NR2E3: variants seen among roughly 807,000 people sequenced by gnomAD.
NR2E3 encodes nuclear receptor subfamily 2 group E member 3.
Under a neutral mutation model 37.6 loss-of-function variants are expected in NR2E3, and 38 were observed. The observed-to-expected ratio is 1.01, with a 90% confidence interval of 0.78 to 1.33. The LOEUF is 1.33. Ranked by LOEUF, NR2E3 falls within the 40% of genes most tolerant of loss-of-function variation. The pLI is 0.00. For synonymous variants in NR2E3, 235 were observed against 225.1 expected (o/e 1.04, Z -0.39); for missense variants, 562 against 558.7 (o/e 1.01, Z -0.06).
At position 71,812,361 on chromosome 15, in the gene NR2E3, C is replaced by T. The variant is rs895424577; in HGVS notation, c.597C>T (p.Ser199=). 1 of 1,613,976 alleles carries T rather than the reference C, an allele frequency of 6.2e-7. No homozygotes were observed. The highest frequency in any genetic ancestry group is 1.1e-5 in the South Asian group (1 of 91,074). ...EDADENIDVT[S]NDPEFPSSPY... ...CTGATGAGAATATTGATGTCACCAG[C>T]AATGACCCTGAGTTCCCCTCCTCTC... Residue 199 remains serine (S), a synonymous_variant, in exon 5 of 8, where the codon AGC becomes AGT. Coordinates refer to ENST00000617575, the MANE Select transcript of NR2E3 (RefSeq NM_014249.4).
Position 71,817,612 on chromosome 15 carries a change from GCTC to G in NR2E3, c.1165_1167del (p.Leu389del). 1 of 1,610,494 alleles carries G rather than the reference GCTC, an allele frequency of 6.2e-7. No individual in the cohort carries two copies. The highest frequency in any genetic ancestry group is 8.5e-7 in the Non-Finnish European group (1 of 1,176,940). On this transcript the variant is annotated inframe_deletion, in exon 8 of 8. Coordinates refer to ENST00000617575, the MANE Select transcript of NR2E3 (RefSeq NM_014249.4). ...GGTTTATCACTGCGGAACGCATCGA[GCTC>G]CTCTTTTTCCGCAAGACCATAGGGA...
At chr15:71,814,950 T>C in intron 7 of NR2E3, 1 of 974,508 alleles carries the variant, frequency 1.0e-6, no homozygotes, top group South Asian at 4.7e-5. Flanking sequence ...TTGTTAAAAA[T>C]ATAAAAAGGA....
At chr15:71,814,413 CTT>C in intron 7 of NR2E3, 1 of 1,161,334 alleles carries the variant, frequency 8.6e-7, no homozygotes, top group Non-Finnish European at 1.1e-6. Flanking sequence ...CAGAGATCCC[CTT>C]GCATGGGAAA....
In NR2E3 at chr15:71,813,944, C is replaced by G. The variant is rs371985777; in HGVS notation, c.995-68C>G. 3.1e-4 allele frequency: 478 copies of G among 1,560,304 alleles called. 1 individual carries two copies. In the African/African-American group the frequency reaches 4.8e-3, roughly 16 times the overall value. On this transcript the variant is annotated intron_variant, in intron 6 of 7. Transcript: ENST00000617575. This position sits in a 1 kb window ranked among gnomAD's most constrained non-coding sequence, Gnocchi z 4.7. Reference sequence around the variant, plus strand: ...TGTCTGCAGCCAGAACCCTGGGCCACCACTTCATGGCCAGCCTTATAACAG... The same window carrying G: ...TGTCTGCAGCCAGAACCCTGGGCCAGCACTTCATGGCCAGCCTTATAACAG...
chr15:71,815,598 C>T (rs1595958131), intron 7 of NR2E3, among the ~76,000 whole-genome samples: 1 of 152,262 alleles, frequency 6.6e-6, no homozygotes, highest in East Asian at 1.9e-4. Flanking sequence ...CCTTTTATAG[C>T]GGTTCATTGC....
rs2140288813 is a variant in NR2E3, at chr15:71,811,577, C to G, written c.213C>G (p.Phe71Leu). 6.2e-7 allele frequency: 1 copy of G among 1,604,398 alleles called. No individual in the cohort carries two copies. Among genetic ancestry groups the G allele is most frequent in the Non-Finnish European group, 8.5e-7 (1 of 1,176,032 alleles). Residue 71 changes from phenylalanine to leucine, a missense_variant, in exon 2 of 8, where the codon TTC (phenylalanine) becomes TTG (leucine). By Grantham distance (22) the Phe-to-Leu change is conservative. Coordinates refer to ENST00000617575, the MANE Select transcript of NR2E3 (RefSeq NM_014249.4). The surrounding 1 kb of genome is among the most constrained non-coding windows in gnomAD (Gnocchi z 5.6). ...IYACNGCSGF[F>L]KRSVRRRLIY... ...CCTGCAACGGCTGCAGCGGCTTCTT[C>G]AAGAGGAGCGTACGGCGGAGGCTCA...
intron 5 of NR2E3, among the ~76,000 whole-genome samples, chr15:71,812,771 C>T (rs929959381): frequency 6.6e-6 from 1 of 152,122 alleles, no homozygotes; most frequent in African/African-American, 2.4e-5. Flanking sequence ...GGCTAGGGAC[C>T]TACAGGGCCC....
chr15:71,812,375 TC>T lies in NR2E3; in HGVS notation c.615del (p.Ser206ProfsTer45). 6.2e-7 allele frequency: 1 copy of T among 1,613,674 alleles called. No homozygotes were observed. On this transcript the variant is annotated frameshift_variant, in exon 5 of 8. Transcript: ENST00000617575. LOFTEE classifies it high-confidence loss of function. ...NIDVTSNDPE[F>X]PSSPYSSSSP... ...GATGTCACCAGCAATGACCCTGAGT[TC>T]CCCTCCTCTCCATACTCCTCTTCCT...
In NR2E3 at chr15:71,810,823, A is replaced by C. The variant is rs1385045523; in HGVS notation, c.80A>C (p.Glu27Ala). Reference protein sequence around the residue: ...APAAGAASRKESPGRWGLGED... With the variant: ...APAAGAASRKASPGRWGLGED... ...GCAGCTGGGGCTGCCTCCAGGAAGG[A>C]GTCTCCAGGCAGATGGGGCCTGGGG... The change falls in exon 1 of 8, where the codon GAG becomes GCG. Residue 27 changes from glutamate to alanine, a missense_variant. Physicochemically the swap from Glu to Ala is moderately radical, Grantham distance 107 (BLOSUM62 -1). Coordinates refer to ENST00000617575, the MANE Select transcript of NR2E3 (RefSeq NM_014249.4). 2 of 1,570,628 alleles carry C rather than the reference A, an allele frequency of 1.3e-6. No individual in the cohort carries two copies. Among genetic ancestry groups the C allele is most frequent in the South Asian group, 1.2e-5 (1 of 85,192 alleles).
At position 71,813,346 on chromosome 15, in the gene NR2E3, A is replaced by C. The variant is rs1270955734; in HGVS notation, c.748-43A>C. ...GCAGAGGCTCCAGACTGAGCCAGAG[A>C]AGCTGTGTGTCTGCCATAACAGGCA... On this transcript the variant is annotated intron_variant, in intron 5 of 7. Transcript: ENST00000617575. This position sits in a 1 kb window ranked among gnomAD's most constrained non-coding sequence, Gnocchi z 4.7. The C allele has an allele frequency of 6.3e-7, 1 of 1,596,744 alleles. No homozygotes were observed.
rs367838359 is a variant in NR2E3 at position 71,812,018 on chromosome 15, A to G, written c.413A>G (p.Asn138Ser). ...AQVHLDSMESNTESRPESLVA... is the reference protein window; with the variant it reads ...AQVHLDSMESSTESRPESLVA... ...GTCCACCTGGACAGCATGGAGTCCA[A>G]CACTGAGTCCCGGCCGGAGTCCCTG... The change falls in exon 4 of 8, where the codon AAC (asparagine) becomes AGC (serine). Residue 138 changes from asparagine to serine, a missense_variant. Coordinates refer to ENST00000617575, the MANE Select transcript of NR2E3 (RefSeq NM_014249.4). The G allele has an allele frequency of 1.8e-5, 28 of 1,554,986 alleles. No individual in the cohort carries two copies. Among genetic ancestry groups the G allele is most frequent in the African/African-American group, 9.6e-5 (7 of 73,248 alleles).
intron 7 of NR2E3, chr15:71,815,011 G>A: frequency 1.6e-6 from 1 of 632,086 alleles, no homozygotes; most frequent in Non-Finnish European, 2.0e-6. Flanking sequence ...TGTTTTGTAG[G>A]TGCACTGAGC....
chr15:71,812,137 A>T lies in NR2E3; in HGVS notation c.532A>T (p.Ile178Leu). Reference sequence around the variant, plus strand: ...GGGCCACCACTTCATGGCCAGCCTTATAACAGCTGAAACCTGTGCTAAGCT... The same window carrying T: ...GGGCCACCACTTCATGGCCAGCCTTTTAACAGCTGAAACCTGTGCTAAGCT... ...ALGHHFMASL[I>L]TAETCAKLEP... Residue 178 changes from isoleucine (I) to leucine (L), a missense_variant, in exon 4 of 8, where the codon ATA becomes TTA. Ile to Leu is a conservative substitution (Grantham distance 5). Transcript: ENST00000617575. The T allele has an allele frequency of 6.4e-7, 1 of 1,564,640 alleles. No individual in the cohort carries two copies. Among genetic ancestry groups the T allele is most frequent in the Non-Finnish European group, 8.7e-7 (1 of 1,154,986 alleles).
At chr15:71,812,295 C>G in intron 4 of NR2E3, 41 bp from the exon 5 acceptor site, 5 of 1,613,400 alleles carry the variant, frequency 3.1e-6, no homozygotes, top group Non-Finnish European at 4.2e-6. Flanking sequence ...TGCCACCTCC[C>G]GAGAAGCAGG....
rs1555454986 is a variant in NR2E3 at position 71,817,101 on chromosome 15, CTTTTTTT to C, written c.1101-442_1101-436del. ...CTGGTTAATGCGGCTTTTCTTTTTT[CTTTTTTT>C]TTTTTTTTGAGACGGAGTCTTGCTC... On this transcript the variant is annotated intron_variant, in intron 7 of 7. Transcript: ENST00000617575. Among the ~76,000 whole-genome samples the C allele has an allele frequency of 7.1e-3, 576 of 80,948 alleles. 8 individuals carry two copies. In the East Asian group the frequency reaches 0.11, roughly 16 times the overall value. The allele number at this position is 80,948 out of a possible 152,430, so 53.1% of individuals were successfully genotyped here. A position where few individuals can be genotyped will look rare whatever the true frequency, so the allele number is the denominator to read the frequency against.
At chr15:71,816,447 A>C (rs2140293920) in intron 7 of NR2E3, among the ~76,000 whole-genome samples, 1 of 151,956 alleles carries the variant, frequency 6.6e-6, no homozygotes, top group East Asian at 1.9e-4. Flanking sequence ...TTTTTAGTAG[A>C]GACGGGGTTT....
In NR2E3 at chr15:71,812,007, C is replaced by T; in HGVS notation, c.402C>T (p.Ser134=). 6.4e-7 allele frequency: 1 copy of T among 1,555,190 alleles called. No individual in the cohort carries two copies. The change falls in exon 4 of 8, where the codon AGC becomes AGT. Residue 134 remains serine (S), a synonymous_variant. Coordinates refer to ENST00000617575, the MANE Select transcript of NR2E3 (RefSeq NM_014249.4). ...GCACAGCCCAGGTCCACCTGGACAG[C>T]ATGGAGTCCAACACTGAGTCCCGGC... The part of the protein sequence containing the change: ...PRSTAQVHLD[S]MESNTESRPE...
Position 71,810,783 on chromosome 15 carries a change from G to T in NR2E3, c.40G>T (p.Ala14Ser). 6.3e-7 allele frequency: 1 copy of T among 1,576,462 alleles called. No individual in the cohort carries two copies. Among genetic ancestry groups the T allele is most frequent in the South Asian group, 1.2e-5 (1 of 85,766 alleles). The change falls in exon 1 of 8, where the codon GCT (alanine) becomes TCT (serine). Residue 14 changes from alanine to serine, a missense_variant. Coordinates refer to ENST00000617575, the MANE Select transcript of NR2E3 (RefSeq NM_014249.4). ...RPTALMSSTVAAAAPAAGAAS... is the reference protein window; with the variant it reads ...RPTALMSSTVSAAAPAAGAAS... Reference sequence around the variant, plus strand: ...AACAGCTCTGATGAGCTCCACAGTGGCTGCAGCTGCGCCTGCAGCTGGGGC... The same window carrying T: ...AACAGCTCTGATGAGCTCCACAGTGTCTGCAGCTGCGCCTGCAGCTGGGGC...
rs1595956412 is a variant in NR2E3 at position 71,812,106 on chromosome 15, A to T, written c.501A>T (p.Arg167Ser). Residue 167 changes from arginine to serine, a missense_variant, in exon 4 of 8, where the codon AGA becomes AGT. Transcript: ENST00000617575. ...PRGPTPMSAA[R>S]ALGHHFMASL... Reference sequence around the variant, plus strand: ...GCCCCACACCCATGTCTGCAGCCAGAGCCCTGGGCCACCACTTCATGGCCA... The same window carrying T: ...GCCCCACACCCATGTCTGCAGCCAGTGCCCTGGGCCACCACTTCATGGCCA... 1 of 1,556,624 alleles carries T rather than the reference A, an allele frequency of 6.4e-7. No homozygotes were observed.
Sources: gnomAD v4.1 joint callset for allele counts (sites outside exome capture counted in the v4.1 genomes callset) on GRCh38, gnomAD v4.1.1 for gene constraint, Gnocchi (gnomAD v3.1) non-coding constraint, MANE v1.5 for transcripts, NCBI Gene and HGNC (gene_info 2026-07-23, HGNC 2026-07-21) for gene names.